The following BANP variants were observed in gnomAD, a reference collection of about 807,000 sequenced individuals.
The protein encoded by BANP is BTG3 associated nuclear protein, also known as protein BANP.
A neutral mutation model predicts 68.1 loss-of-function variants in BANP; 11 were observed. The observed-to-expected ratio is 0.16, with a 90% CI of 0.10 to 0.27. The LOEUF (loss-of-function observed/expected upper bound fraction) is 0.27, where lower values mean the gene tolerates loss of function less well. BANP is among the 10% of genes least tolerant of loss of function. The probability of loss-of-function intolerance (pLI) is 1.00; values close to 1 mark genes in which losing one functional copy is unlikely to be tolerated. For missense variants in BANP, 504 were observed against 722.7 expected (o/e 0.70, Z 3.47); for synonymous variants, 329 against 303.2 (o/e 1.09, Z -0.88).
At chr16:88,021,783 C>T (rs1229318519) in intron 7 of BANP, among the ~76,000 whole-genome samples, 6 of 152,250 alleles carry the variant, frequency 3.9e-5, no homozygotes, top group Non-Finnish European at 8.8e-5. Flanking sequence ...CCCGCAGTGA[C>T]GCCTGTAGCC....
At chr16:88,035,547 G>A (rs892297777) in intron 10 of BANP, among the ~76,000 whole-genome samples, 153 bp downstream of exon 10, 2 of 152,252 alleles carry the variant, frequency 1.3e-5, no homozygotes, top group Non-Finnish European at 2.9e-5. Context: ...GGTGCACATA[G>A]CGGGCCTGCA....
At chr16:88,038,443 C>T (rs4843297) in intron 11 of BANP, among the ~76,000 whole-genome samples, 20,301 of 151,970 alleles carry the variant, frequency 0.13, 1,565 homozygotes, top group South Asian at 0.37. Flanking sequence ...GCAGCTTTTG[C>T]GCTATGGCGG....
intron 4 of BANP, among the ~76,000 whole-genome samples, chr16:87,986,958 G>A (rs191742451): frequency 1.8e-4 from 28 of 152,192 alleles, no homozygotes; most frequent in Admixed American, 9.8e-4. Flanking sequence ...ACCATTATTT[G>A]TAAAAATTAA....
intron 4 of BANP, among the ~76,000 whole-genome samples, chr16:88,001,626 T>C (rs1188212014): frequency 3.9e-5 from 6 of 152,240 alleles, no homozygotes; most frequent in African/African-American, 1.4e-4. Flanking sequence ...TAATTTACTT[T>C]TACAGCATAT....
intron 7 of BANP, among the ~76,000 whole-genome samples, chr16:88,022,007 G>A (rs1310479313): frequency 1.3e-5 from 2 of 152,136 alleles, no homozygotes; most frequent in African/African-American, 4.8e-5. Flanking sequence ...GGGAGAGAGA[G>A]AAATTTGCTT....
chr16:88,043,927 C>T (rs1250659773), intron 11 of BANP, among the ~76,000 whole-genome samples: 1 of 152,118 alleles, frequency 6.6e-6, no homozygotes, highest in Non-Finnish European at 1.5e-5. Flanking sequence ...TTGAAATTTG[C>T]AGGGAGGTGG....
chr16:88,051,190 C>T (rs111602119), intron 11 of BANP, among the ~76,000 whole-genome samples: 2 of 152,348 alleles, frequency 1.3e-5, no homozygotes, highest in African/African-American at 4.8e-5. Flanking sequence ...GGGGGCTCCC[C>T]AGTGGTTTAG....
In BANP at chr16:88,026,273, G is replaced by C. The variant is rs143432856; in HGVS notation, c.896-1210G>C. Among the ~76,000 whole-genome samples the C allele has an allele frequency of 3.9e-5, 6 of 152,310 alleles. No homozygotes were observed. In the East Asian group the frequency reaches 1.2e-3, roughly 29 times the overall value. ...TGTGCCCACTCGGCTTGTGGTATAG[G>C]GACTCCAGGGATGAGGACACAGGCC... On this transcript the variant is annotated intron_variant, in intron 7 of 13. Transcript: ENST00000682872.
At chr16:87,989,568 C>CCAGGACA (rs1303526276) in intron 4 of BANP, among the ~76,000 whole-genome samples, 2 of 150,500 alleles carry the variant, frequency 1.3e-5, no homozygotes, top group Non-Finnish European at 3.0e-5. Context: ...CTGTGCGCAT[C>CCAGGACA]CAGGACACAG....
intron 7 of BANP, among the ~76,000 whole-genome samples, chr16:88,020,620 G>C (rs2075836632): frequency 6.6e-6 from 1 of 152,204 alleles, no homozygotes; most frequent in African/African-American, 2.4e-5. Flanking sequence ...GAGAGGAGTG[G>C]GTGCTCTTTG....
At chr16:88,041,273 G>C (rs2080724840) in intron 11 of BANP, among the ~76,000 whole-genome samples, 1 of 152,204 alleles carries the variant, frequency 6.6e-6, no homozygotes, top group African/African-American at 2.4e-5. Flanking sequence ...GTGGATTGCT[G>C]CCGGGGCGAC....
At chr16:88,008,097 C>T (rs1598385996) in intron 6 of BANP, among the ~76,000 whole-genome samples, 1 of 152,164 alleles carries the variant, frequency 6.6e-6, no homozygotes, top group East Asian at 1.9e-4. Flanking sequence ...CTGTTGTGGA[C>T]CTTGACTCTA....
Position 88,056,461 on chromosome 16 carries a change from C to CT in BANP, c.1312-8791dup, listed in dbSNP as rs5818659. ...TTTGGCTGGGAAGCGTATTCTCTCT[C>CT]TTTTTTTTTTTTTTTAGAGAGAGAA... On this transcript the variant is annotated intron_variant, in intron 11 of 13. Coordinates refer to ENST00000682872, the MANE Select transcript of BANP (RefSeq NM_001386991.1). Among the ~76,000 whole-genome samples the CT allele has an allele frequency of 7.2e-3, 867 of 119,718 alleles. 8 individuals are homozygous for CT. The highest frequency in any genetic ancestry group is 0.02 in the African/African-American group (743 of 37,344). The allele number at this position is 119,718 out of a possible 152,430, so 78.5% of individuals were successfully genotyped here.
chr16:87,966,745 C>T (rs2060085678), intron 1 of BANP: 1 of 152,226 alleles, frequency 6.6e-6, no homozygotes, highest in Non-Finnish European at 1.5e-5. Flanking sequence ...TTAACCTGGA[C>T]TCTCTGGACC....
chr16:87,960,437 G>A (rs188180530), intron 1 of BANP, among the ~76,000 whole-genome samples: 13 of 152,350 alleles, frequency 8.5e-5, no homozygotes, highest in Admixed American at 5.9e-4. Context: ...GGGGCACATC[G>A]TGTATTGGCA....
At chr16:88,065,580 G>A (rs1244842745) in intron 12 of BANP, among the ~76,000 whole-genome samples, 1 of 152,180 alleles carries the variant, frequency 6.6e-6, no homozygotes, top group African/African-American at 2.4e-5. Context: ...AGCGAGCTGG[G>A]GTGAGACGCG....
At position 88,006,151 on chromosome 16, in the gene BANP, C is replaced by T. The variant is rs769483467; in HGVS notation, c.541C>T (p.His181Tyr). 1.2e-6 allele frequency: 2 copies of T among 1,613,948 alleles called. No individual in the cohort carries two copies. Among genetic ancestry groups the T allele is most frequent in the Non-Finnish European group, 1.7e-6 (2 of 1,179,962 alleles). ...VVKVPGQEDS[H>Y]HEDGESGSEA... ...GAAGGTGCCGGGCCAAGAAGACAGCCACCACGAGGACGGGGAGAGCGGCTC... is the reference window on the plus strand; with the variant it reads ...GAAGGTGCCGGGCCAAGAAGACAGCTACCACGAGGACGGGGAGAGCGGCTC... The change falls in exon 6 of 14, where the codon CAC becomes TAC. Residue 181 changes from histidine (H) to tyrosine (Y), a missense_variant. Physicochemically the swap from His to Tyr is moderately conservative, Grantham distance 83. This residue lies in a region of BANP where 238 missense variants were observed against 278.9 expected (regional missense o/e 0.85). Transcript: ENST00000682872.
chr16:87,969,357 A>G (rs1294285113), intron 1 of BANP, among the ~76,000 whole-genome samples: 1 of 152,056 alleles, frequency 6.6e-6, no homozygotes, highest in Admixed American at 6.6e-5. Context: ...TAGCATTTTG[A>G]TAGCTATTGC....
chr16:87,967,929 G>C (rs189324122), intron 1 of BANP, among the ~76,000 whole-genome samples: 1 of 149,872 alleles, frequency 6.7e-6, no homozygotes, highest in Non-Finnish European at 1.5e-5. Flanking sequence ...CCTTTTTTTG[G>C]TATTTTTAGT....
Sources: gnomAD v4.1 joint callset for allele counts (sites outside exome capture counted in the v4.1 genomes callset) on GRCh38, gnomAD v4.1.1 for gene constraint, gnomAD v4.1.1 regional missense constraint, MANE v1.5 for transcripts, NCBI Gene and HGNC (gene_info 2026-07-23, HGNC 2026-07-21) for gene names.